Variants in MACROD2 observed in about 807,000 individuals in gnomAD.
MACROD2 encodes the protein ADP-ribose glycohydrolase MACROD2.
A neutral mutation model predicts 70.4 loss-of-function variants in MACROD2; 36 were observed. The observed-to-expected ratio is 0.51, with a 90% confidence interval of 0.39 to 0.68. The LOEUF (loss-of-function observed/expected upper bound fraction) is 0.68. Among genes scored for constraint, MACROD2 ranks in the 30% least tolerant of loss-of-function variants. The probability of loss-of-function intolerance (pLI) is 0.00; values close to 1 mark genes in which losing one functional copy is unlikely to be tolerated. For synonymous variants in MACROD2, 172 were observed against 178.8 expected (o/e 0.96, Z 0.30); for missense variants, 496 against 538.4 (o/e 0.92, Z 0.78).
At chr20:15,544,052 A>T (rs1010813500) in intron 8 of MACROD2, among the ~76,000 whole-genome samples, 1 of 152,210 alleles carries the variant, frequency 6.6e-6, no homozygotes, top group African/African-American at 2.4e-5. Flanking sequence ...GAAGTACAGT[A>T]AAGTCCCTGA....
intron 10 of MACROD2, among the ~76,000 whole-genome samples, chr20:15,886,960 G>T (rs6080009): frequency 0.013 from 2,037 of 152,154 alleles, 25 homozygotes; most frequent in Non-Finnish European, 0.021. Context: ...TTAAGTCTAT[G>T]ATTAAAAGCT....
At chr20:14,784,876 C>T (rs548046072) in intron 5 of MACROD2, among the ~76,000 whole-genome samples, 16 of 151,960 alleles carry the variant, frequency 1.1e-4, no homozygotes, top group African/African-American at 3.1e-4. Flanking sequence ...ATCAAGCAGT[C>T]GGGAAATTGC....
chr20:15,362,424 A>C (rs1041987636), intron 6 of MACROD2, among the ~76,000 whole-genome samples: 1 of 142,204 alleles, frequency 7.0e-6, no homozygotes, highest in African/African-American at 2.7e-5. Context: ...TGTTAGCTGT[A>C]GGTTTTTTTT....
At chr20:14,270,779 A>T (rs1392476241) in intron 3 of MACROD2, among the ~76,000 whole-genome samples, 1 of 152,134 alleles carries the variant, frequency 6.6e-6, no homozygotes, top group East Asian at 1.9e-4. Context: ...AGTGACGCAG[A>T]AGACGGGTGA....
chr20:15,809,047 C>G (rs1387241732), intron 8 of MACROD2, among the ~76,000 whole-genome samples: 1 of 152,204 alleles, frequency 6.6e-6, no homozygotes, highest in East Asian at 1.9e-4. Flanking sequence ...AGAACTATCA[C>G]TCTTATCCAG....
intron 3 of MACROD2, among the ~76,000 whole-genome samples, chr20:14,168,523 T>C (rs2081190914): frequency 6.6e-6 from 1 of 152,208 alleles, no homozygotes; most frequent in African/African-American, 2.4e-5. Context: ...CTTGCATTAT[T>C]GTAGTACATT....
At position 15,871,295 on chromosome 20, in the gene MACROD2, C is replaced by T. The variant is rs527554740; in HGVS notation, c.727+8469C>T. Among the ~76,000 whole-genome samples, 3 of 152,042 alleles carry T rather than the reference C, an allele frequency of 2.0e-5. 1 individual carries two copies. In the South Asian group the frequency reaches 6.2e-4, roughly 32 times the overall value. ...TACCCAGGCAGTATTTAAATTTTTT[C>T]CTGGATTTCACTTTTAAAAATCTTA... is the stretch of plus-strand genomic sequence containing the variant. On this transcript the variant is annotated intron_variant, in intron 9 of 17. Coordinates refer to ENST00000684519, the MANE Select transcript of MACROD2 (RefSeq NM_001351661.2).
chr20:15,162,194 T>A (rs1408436637), intron 5 of MACROD2, among the ~76,000 whole-genome samples: 1 of 151,962 alleles, frequency 6.6e-6, no homozygotes, highest in Non-Finnish European at 1.5e-5. Flanking sequence ...ATCCCCAAGT[T>A]TTTGTTTTTG....
At chr20:15,903,128 C>A (rs1236354507) in intron 10 of MACROD2, among the ~76,000 whole-genome samples, 4 of 152,102 alleles carry the variant, frequency 2.6e-5, no homozygotes, top group African/African-American at 9.7e-5. Context: ...GTATTCCAAG[C>A]CCTTTGAGAG....
chr20:15,986,191 A>T (rs1466411287), intron 13 of MACROD2, among the ~76,000 whole-genome samples: 1 of 152,200 alleles, frequency 6.6e-6, no homozygotes, highest in Non-Finnish European at 1.5e-5. Flanking sequence ...CTCTCAAAAC[A>T]GGTACCGAGT....
chr20:14,862,009 ATATATATATT>A (rs2073327780), intron 5 of MACROD2, among the ~76,000 whole-genome samples: 1 of 18,838 alleles, frequency 5.3e-5, no homozygotes, highest in African/African-American at 2.7e-4. Flanking sequence ...ATATATTTAT[ATATATATATT>A]TATATATATT....
In MACROD2 at chr20:14,513,443, T is replaced by TC. The variant is rs142644351; in HGVS notation, c.301+19937dup. On this transcript the variant is annotated intron_variant, in intron 4 of 17. Coordinates refer to ENST00000684519, the MANE Select transcript of MACROD2 (RefSeq NM_001351661.2). ...TCTTCTTTAATCTCTCAAATTTTTC[T>TC]CCAAGACTCAAAATTCATGAATTAA... Among the ~76,000 whole-genome samples the TC allele has an allele frequency of 6.2e-3, 938 of 152,164 alleles. 11 individuals carry two copies. The highest frequency in any genetic ancestry group is 0.022 in the African/African-American group (913 of 41,546).
intron 6 of MACROD2, among the ~76,000 whole-genome samples, chr20:15,305,906 A>G (rs549535360): frequency 6.6e-6 from 1 of 152,296 alleles, no homozygotes; most frequent in South Asian, 2.1e-4. Context: ...GAAACTGTGA[A>G]CATACTATAA....
intron 8 of MACROD2, among the ~76,000 whole-genome samples, chr20:15,786,515 T>A (rs2147048915): frequency 6.6e-6 from 1 of 152,352 alleles, no homozygotes; most frequent in East Asian, 1.9e-4. Context: ...CAGAAGATAG[T>A]TGGCTATTGT....
intron 4 of MACROD2, among the ~76,000 whole-genome samples, chr20:14,653,030 A>G (rs2123514492): frequency 6.6e-6 from 1 of 152,222 alleles, no homozygotes; most frequent in Middle Eastern, 3.4e-3. Flanking sequence ...GGTTAAGCTG[A>G]TTACCCTCTC....
chr20:14,087,396 C>CAA (rs113481382), intron 3 of MACROD2, among the ~76,000 whole-genome samples: 7 of 125,948 alleles, frequency 5.6e-5, no homozygotes, highest in Non-Finnish European at 8.6e-5. Flanking sequence ...GACCATGTCT[C>CAA]AAAAAAAAAA....
intron 4 of MACROD2, among the ~76,000 whole-genome samples, chr20:14,509,644 A>G (rs1410243143): frequency 6.6e-6 from 1 of 151,992 alleles, no homozygotes; most frequent in Non-Finnish European, 1.5e-5. Flanking sequence ...CTTATCTCTA[A>G]TGAAGTTAAA....
rs540745096 is a variant in MACROD2 at position 15,084,837 on chromosome 20, T to C, written c.419-145103T>C. Among the ~76,000 whole-genome samples the C allele has an allele frequency of 4.6e-5, 7 of 152,312 alleles. No homozygotes were observed. In the East Asian group the frequency reaches 9.6e-4, roughly 21 times the overall value. On this transcript the variant is annotated intron_variant, in intron 5 of 17. Transcript: ENST00000684519. ...ACTTGTAATGCTGCATTAAAACATA[T>C]ATGTCCTTCAAATTGACCTACAGAT... is the stretch of plus-strand genomic sequence containing the variant.
chr20:15,528,346 G>GCTC (rs2047749486), intron 8 of MACROD2, among the ~76,000 whole-genome samples: 1 of 152,196 alleles, frequency 6.6e-6, no homozygotes, highest in South Asian at 2.1e-4. Flanking sequence ...TATTGGTCAG[G>GCTC]CTCCTCTTGA....
Sources: allele counts gnomAD v4.1 joint callset (sites outside exome capture counted in the v4.1 genomes callset), GRCh38; gene constraint gnomAD v4.1.1; transcripts MANE v1.5; gene names NCBI Gene and HGNC (gene_info 2026-07-23, HGNC 2026-07-21).